MEI1: variants seen among roughly 807,000 people sequenced by gnomAD.
The protein encoded by MEI1 is meiotic double-stranded break formation protein 1, also known as meiosis inhibitor protein 1.
MEI1 carries 103 observed loss-of-function variants against 146.2 expected under a neutral mutation model. The observed-to-expected ratio is 0.70, with a 90% CI of 0.60 to 0.83. MEI1 has a LOEUF of 0.83. Among genes scored for constraint, MEI1 ranks in the 40% least tolerant of loss-of-function variants. The probability of loss-of-function intolerance (pLI) is 0.00; values close to 1 mark genes in which losing one functional copy is unlikely to be tolerated. For synonymous variants in MEI1, 652 were observed against 628.2 expected, an observed-to-expected ratio of 1.04 and a Z score of -0.57; for missense variants, 1,529 against 1,533.0, an observed-to-expected ratio of 1.00 and a Z score of 0.04.
At chr22:41,745,201 A>T (rs1429057964) in intron 13 of MEI1, 137 bp downstream of exon 13, 1 of 593,714 alleles carries the variant, frequency 1.7e-6, no homozygotes, top group East Asian at 3.4e-5. Flanking sequence ...TGGCTGGGGT[A>T]GGGGTTGGGG....
chr22:41,748,126 C>T lies in MEI1; in HGVS notation c.1700C>T (p.Thr567Ile). ...PMVMRHLEQT[T>I]HPALMEVFLS... ...TTGCAGAGACACTTGGAGCAGACCACCCACCCAGCTTTGATGGAAGTTTTC... is the reference window on the plus strand; with the variant it reads ...TTGCAGAGACACTTGGAGCAGACCATCCACCCAGCTTTGATGGAAGTTTTC... The change falls in exon 15 of 31, where the codon ACC becomes ATC. Residue 567 changes from threonine to isoleucine, a missense_variant. Physicochemically the swap from Thr to Ile is moderately conservative, Grantham distance 89. Around this residue, in one of 3 missense-constraint regions of MEI1, gnomAD observed 1,212 missense variants for 1,178.9 expected, o/e 1.03. Coordinates refer to ENST00000401548, the MANE Select transcript of MEI1 (RefSeq NM_152513.4). 1.9e-6 allele frequency: 3 copies of T among 1,613,580 alleles called. No individual in the cohort carries two copies. The highest frequency in any genetic ancestry group is 2.5e-6 in the Non-Finnish European group (3 of 1,179,556).
chr22:41,798,900 T>C (rs1258811049), intron 30 of MEI1, among the ~76,000 whole-genome samples: 1 of 147,538 alleles, frequency 6.8e-6, no homozygotes, highest in Admixed American at 6.8e-5. Flanking sequence ...AAAAGCAAGC[T>C]TGGGGCTGTG....
chr22:41,748,036 G>A, intron 14 of MEI1, 71 bp from the exon 15 acceptor site: 1 of 1,055,248 alleles, frequency 9.5e-7, no homozygotes, highest in South Asian at 1.4e-5. Context: ...TTTGATGTGA[G>A]TTTTCTCTGA....
At chr22:41,728,384 A>G (rs1181408802) in intron 7 of MEI1, among the ~76,000 whole-genome samples, 1 of 152,210 alleles carries the variant, frequency 6.6e-6, no homozygotes, top group South Asian at 2.1e-4. Context: ...CACTCAATAA[A>G]TTGAGGTTTA....
intron 11 of MEI1, among the ~76,000 whole-genome samples, chr22:41,742,312 A>G (rs2072948879): frequency 6.6e-6 from 1 of 152,158 alleles, no homozygotes; most frequent in Non-Finnish European, 1.5e-5. Flanking sequence ...TTGAGTTAAC[A>G]AAGTTTGATC....
intron 8 of MEI1, 129 bp downstream of exon 8, chr22:41,729,908 G>A: frequency 1.7e-6 from 1 of 603,646 alleles, no homozygotes; most frequent in Non-Finnish European, 2.7e-6. Context: ...CAGATTTCTT[G>A]TATGACCTTG....
chr22:41,727,786 G>T (rs926159762), intron 7 of MEI1, among the ~76,000 whole-genome samples: 2 of 152,156 alleles, frequency 1.3e-5, no homozygotes, highest in Admixed American at 6.6e-5. Flanking sequence ...TGTCTCAGTG[G>T]AGTCACATGG....
At chr22:41,774,613 C>A (rs1188895636) in intron 20 of MEI1, 1 of 152,222 alleles carries the variant, frequency 6.6e-6, no homozygotes, top group African/African-American at 2.4e-5. Flanking sequence ...GACCTCATCC[C>A]TTCCCTTCAT....
In MEI1 at chr22:41,709,202, C is replaced by G. The variant is rs1225953778; in HGVS notation, c.349+3648C>G. The G allele has an allele frequency of 3.6e-6, 3 of 843,694 alleles. No individual in the cohort carries two copies. The African/African-American group carries it at 5.0e-5, about 14-fold the overall frequency. 52.3% of individuals were successfully genotyped at this position (843,694 alleles called of 1,614,324 possible). On this transcript the variant is annotated intron_variant, in intron 3 of 30. Coordinates refer to ENST00000401548, the MANE Select transcript of MEI1 (RefSeq NM_152513.4). Reference sequence around the variant, plus strand: ...TACAGTCACCAGAAGTACACAGTTACCAAAAATGTACACACTTCACTTGGC... The same window carrying G: ...TACAGTCACCAGAAGTACACAGTTAGCAAAAATGTACACACTTCACTTGGC...
intron 7 of MEI1, among the ~76,000 whole-genome samples, chr22:41,727,551 G>A (rs1395955988): frequency 1.3e-5 from 2 of 152,144 alleles, no homozygotes; most frequent in South Asian, 2.1e-4. Flanking sequence ...TTGTGCCTTA[G>A]CTTTGCCACT....
At chr22:41,722,407 C>G (rs1039576860) in intron 6 of MEI1, among the ~76,000 whole-genome samples, 1 of 151,904 alleles carries the variant, frequency 6.6e-6, no homozygotes, top group Non-Finnish European at 1.5e-5. Flanking sequence ...AAGTGATCCT[C>G]TCACCTTGAT....
intron 4 of MEI1, among the ~76,000 whole-genome samples, chr22:41,714,547 A>G (rs985541211): frequency 6.6e-6 from 1 of 152,034 alleles, no homozygotes; most frequent in African/African-American, 2.4e-5. Context: ...TGGATATGGT[A>G]TGTTTAATCT....
At position 41,795,837 on chromosome 22, in the gene MEI1, C is replaced by T. The variant is rs1168113108; in HGVS notation, c.3769C>T (p.Gln1257Ter). The T allele has an allele frequency of 6.2e-7, 1 of 1,613,582 alleles. No individual in the cohort carries two copies. Among genetic ancestry groups the T allele is most frequent in the Non-Finnish European group, 8.5e-7 (1 of 1,179,696 alleles). Residue 1257 changes from glutamine (Q) to a stop codon, truncating the protein, a stop_gained, in exon 30 of 31, where the codon CAG becomes TAG. Transcript: ENST00000401548. LOFTEE classifies it high-confidence loss of function. This position sits in a 1 kb window ranked among gnomAD's most constrained non-coding sequence, Gnocchi z 4.2. ...PSTSSGQPPLQDMLCLGGVAV... is the reference protein window; with the variant it reads ...PSTSSGQPPL ...CACCTCCTCAGGCCAGCCACCCCTG[C>T]AGGACATGCTGTATCCTTTCTTGCA...
rs772176784 is a variant in MEI1 at position 41,770,736 on chromosome 22, G to A, written c.2319G>A (p.Gln773=). 7 of 1,613,916 alleles carry A rather than the reference G, an allele frequency of 4.3e-6. No individual in the cohort carries two copies. In the South Asian group the frequency reaches 7.7e-5, roughly 18 times the overall value. Residue 773 remains glutamine, a synonymous_variant, in exon 20 of 31, where the codon CAG becomes CAA. Transcript: ENST00000401548. ...RKFLEGIPDL[Q]LVYTHHPLLL... The stretch of plus-strand genomic sequence containing the variant: ...TCCTAGAAGGCATCCCAGACCTGCA[G>A]CTAGTCTATACTCACCATCCGCTCC...
chr22:41,729,963 A>G (rs2071712642), intron 8 of MEI1, among the ~76,000 whole-genome samples, 184 bp downstream of exon 8: 1 of 152,220 alleles, frequency 6.6e-6, no homozygotes, highest in South Asian at 2.1e-4. Context: ...TCATCTATGA[A>G]TAAAAACCTA....
intron 11 of MEI1, among the ~76,000 whole-genome samples, chr22:41,734,123 G>A (rs1321394511): frequency 1.5e-5 from 2 of 136,532 alleles, no homozygotes; most frequent in Admixed American, 6.8e-5. Flanking sequence ...GTGAAATTCT[G>A]TCTCAAAAAA....
At chr22:41,709,548 G>T in intron 3 of MEI1, 2 of 540,578 alleles carry the variant, frequency 3.7e-6, no homozygotes, top group South Asian at 3.0e-5. Context: ...CGGCACACGG[G>T]CTTTGGTCGG....
intron 19 of MEI1, among the ~76,000 whole-genome samples, chr22:41,766,681 G>A (rs763385039): frequency 2.0e-5 from 3 of 151,990 alleles, no homozygotes; most frequent in Non-Finnish European, 2.9e-5. Flanking sequence ...TGAGTAGCTG[G>A]TACCACAGGC....
At chr22:41,774,958 T>C (rs2075366708) in intron 20 of MEI1, among the ~76,000 whole-genome samples, 1 of 152,132 alleles carries the variant, frequency 6.6e-6, no homozygotes, top group African/African-American at 2.4e-5. Context: ...CCAGATGCAT[T>C]GTAGCCATAT....
Sources: allele counts gnomAD v4.1 joint callset (sites outside exome capture counted in the v4.1 genomes callset), GRCh38; gene constraint gnomAD v4.1.1; regional missense constraint gnomAD v4.1.1; non-coding constraint Gnocchi (gnomAD v3.1); transcripts MANE v1.5; gene names NCBI Gene and HGNC (gene_info 2026-07-23, HGNC 2026-07-21).